The following PDE1A variants were observed in gnomAD, a reference collection of about 807,000 sequenced individuals.
PDE1A encodes phosphodiesterase 1A.
Under a neutral mutation model 61.7 loss-of-function variants are expected in PDE1A, and 35 were observed. The observed-to-expected ratio is 0.57, with a 90% CI of 0.43 to 0.75. The LOEUF (loss-of-function observed/expected upper bound fraction) is 0.75, where lower values mean the gene tolerates loss of function less well. PDE1A is among the 30% of genes least tolerant of loss of function. The pLI is 0.00. For synonymous variants in PDE1A, 232 were observed against 213.2 expected, an observed-to-expected ratio of 1.09 and a Z score of -0.77; for missense variants, 597 against 630.6, an observed-to-expected ratio of 0.95 and a Z score of 0.57.
intron 2 of PDE1A, among the ~76,000 whole-genome samples, chr2:182,455,430 T>C (rs958092894): frequency 6.6e-6 from 1 of 152,134 alleles, no homozygotes; most frequent in African/African-American, 2.4e-5. Flanking sequence ...GGATTATAAA[T>C]CATGCTGCTA....
intron 2 of PDE1A, among the ~76,000 whole-genome samples, chr2:182,494,192 G>C (rs1361471096): frequency 6.6e-6 from 1 of 151,886 alleles, no homozygotes. Flanking sequence ...GATGTCTCTT[G>C]AGCAAAGGTA....
chr2:182,348,967 C>G (rs1462787583), intron 1 of PDE1A, among the ~76,000 whole-genome samples: 1 of 152,018 alleles, frequency 6.6e-6, no homozygotes, highest in Admixed American at 6.6e-5. Context: ...GTTACTATAA[C>G]ACCAAAATAA....
chr2:182,656,101 C>A, the PDE1A span, among the ~76,000 whole-genome samples: 1 of 152,194 alleles, frequency 6.6e-6, no homozygotes, highest in African/African-American at 2.4e-5. Flanking sequence ...CATTCTATTA[C>A]TGTAGCTGCC....
chr2:182,602,380 A>G, the PDE1A span, among the ~76,000 whole-genome samples: 1 of 152,236 alleles, frequency 6.6e-6, no homozygotes, highest in African/African-American at 2.4e-5. Context: ...GGCCACTGCC[A>G]TCAGTCATCC....
chr2:182,636,433 G>C, the PDE1A span, among the ~76,000 whole-genome samples: 1 of 151,926 alleles, frequency 6.6e-6, no homozygotes, highest in African/African-American at 2.4e-5. Context: ...AGTTAGGTTT[G>C]TACGGGAAGT....
rs1343564147 is a variant in PDE1A, at chr2:182,212,027, T to G, written c.777-5962A>C. 3.4e-3 allele frequency among the ~76,000 whole-genome samples: 514 copies of G among 152,200 alleles called. 2 individuals carry two copies. The highest frequency in any genetic ancestry group is 0.012 in the African/African-American group (500 of 41,540). On this transcript the variant is annotated intron_variant, in intron 7 of 13. Transcript: ENST00000351439. ...CTAGTTGTATTGCATTAGTATTGCA[T>G]ACTTCCAGTATGATACAAAAATTAG...
chr2:182,219,254 G>T (rs1344651050), intron 7 of PDE1A, among the ~76,000 whole-genome samples: 1 of 151,974 alleles, frequency 6.6e-6, no homozygotes, highest in Admixed American at 6.6e-5. Context: ...ATCAAGGGAA[G>T]GCTTTTATTT....
chr2:182,675,021 T>C, the PDE1A span, among the ~76,000 whole-genome samples: 1 of 152,164 alleles, frequency 6.6e-6, no homozygotes, highest in East Asian at 1.9e-4. Flanking sequence ...ACTTGTGTCA[T>C]GGGTGTTTGT....
the PDE1A span, among the ~76,000 whole-genome samples, chr2:182,554,894 T>C: frequency 2.0e-4 from 31 of 152,308 alleles, no homozygotes; most frequent in Admixed American, 9.1e-4. Flanking sequence ...ACCATAAAAT[T>C]TGGAGGAAAC....
At chr2:182,262,192 CT>C (rs374697645) in intron 2 of PDE1A, among the ~76,000 whole-genome samples, 59 of 147,394 alleles carry the variant, frequency 4.0e-4, no homozygotes, top group African/African-American at 1.2e-3. Flanking sequence ...TTTCCTTTTT[CT>C]TTTTTTCTCT....
chr2:182,589,270 A>T, the PDE1A span, among the ~76,000 whole-genome samples: 2 of 12,368 alleles, frequency 1.6e-4, no homozygotes, highest in Non-Finnish European at 2.4e-4. Flanking sequence ...GGAGGGAGGG[A>T]GGAAGGAAGG....
the PDE1A span, among the ~76,000 whole-genome samples, chr2:182,666,474 G>A: frequency 4.9e-4 from 75 of 152,138 alleles, 1 homozygote; most frequent in East Asian, 0.01. Flanking sequence ...CGGGTGTGGT[G>A]GCGCATGCCT....
downstream of PDE1A, among the ~76,000 whole-genome samples, chr2:182,144,248 T>A (rs1690377947): frequency 6.6e-6 from 1 of 152,190 alleles, no homozygotes; most frequent in Admixed American, 6.5e-5. Context: ...TGATAGTGGC[T>A]TGCTTTGGAA....
the PDE1A span, among the ~76,000 whole-genome samples, chr2:182,557,979 G>T: frequency 5.9e-5 from 9 of 152,004 alleles, no homozygotes; most frequent in African/African-American, 2.2e-4. Context: ...TTTATAAATT[G>T]TTATAAAATC....
chr2:182,524,835 A>T (rs911344569), upstream of PDE1A, among the ~76,000 whole-genome samples: 6 of 151,930 alleles, frequency 3.9e-5, no homozygotes, highest in African/African-American at 1.4e-4. Flanking sequence ...CATTTCTCAT[A>T]GTTTCCATTT....
the PDE1A span, among the ~76,000 whole-genome samples, chr2:182,549,926 A>G: frequency 6.6e-6 from 1 of 152,282 alleles, no homozygotes; most frequent in Admixed American, 6.5e-5. Flanking sequence ...ATTATTCTCA[A>G]TTTAGCTATT....
intron 2 of PDE1A, 108 bp downstream of exon 2, chr2:182,264,193 C>T: frequency 1.5e-6 from 1 of 660,310 alleles, no homozygotes; most frequent in South Asian, 2.5e-5. Context: ...ATTTTGGTTT[C>T]ACAGGAAGAT....
At chr2:182,462,161 G>C (rs951789247) in intron 2 of PDE1A, among the ~76,000 whole-genome samples, 2 of 151,932 alleles carry the variant, frequency 1.3e-5, no homozygotes, top group Non-Finnish European at 2.9e-5. Context: ...GTTGTGGGGT[G>C]GGGGGAGCGG....
the PDE1A span, among the ~76,000 whole-genome samples, chr2:182,585,876 T>G: frequency 6.6e-6 from 1 of 152,212 alleles, no homozygotes; most frequent in African/African-American, 2.4e-5. Context: ...TTGGTCCCAT[T>G]TGTTACAATA....
Sources: allele counts gnomAD v4.1 joint callset (sites outside exome capture counted in the v4.1 genomes callset), GRCh38; gene constraint gnomAD v4.1.1; transcripts MANE v1.5; gene names NCBI Gene and HGNC (gene_info 2026-07-23, HGNC 2026-07-21).